Variants in RAPGEF1 observed in about 807,000 individuals in gnomAD.
The protein encoded by RAPGEF1 is CRK SH3-binding GNRP.
A neutral mutation model predicts 143.3 loss-of-function variants in RAPGEF1; 33 were observed. That is an observed-to-expected ratio of 0.23 (90% CI 0.17 to 0.31). The LOEUF (loss-of-function observed/expected upper bound fraction) is 0.31. Among genes scored for constraint, RAPGEF1 ranks in the 10% least tolerant of loss-of-function variants. The probability of loss-of-function intolerance (pLI) is 1.00; values close to 1 mark genes in which losing one functional copy is unlikely to be tolerated. For synonymous variants in RAPGEF1, 629 were observed against 676.5 expected (o/e 0.93, Z 1.09); for missense variants, 1,199 against 1,645.4 (o/e 0.73, Z 4.69).
chr9:131,613,366 G>A (rs1202329531), intron 12 of RAPGEF1, among the ~76,000 whole-genome samples: 2 of 152,202 alleles, frequency 1.3e-5, no homozygotes, highest in Non-Finnish European at 2.9e-5. Context: ...GGGAGAAGCA[G>A]TGTGAGGGCC....
intron 5 of RAPGEF1, among the ~76,000 whole-genome samples, 167 bp from the exon 6 acceptor site, chr9:131,630,491 G>C (rs1307919061): frequency 2.0e-5 from 3 of 152,170 alleles, no homozygotes; most frequent in African/African-American, 7.2e-5. Flanking sequence ...TAATCTGCAT[G>C]ACTTCCCAAA....
chr9:131,728,831 C>T (rs1274318541), intron 1 of RAPGEF1, among the ~76,000 whole-genome samples: 2 of 152,238 alleles, frequency 1.3e-5, no homozygotes, highest in Non-Finnish European at 2.9e-5. Context: ...TTATCGAGCA[C>T]TTCTTATGTG....
chr9:131,705,536 T>C (rs1190177374), intron 1 of RAPGEF1, among the ~76,000 whole-genome samples: 2 of 152,300 alleles, frequency 1.3e-5, no homozygotes, highest in African/African-American at 4.8e-5. Flanking sequence ...AGGGTCACAC[T>C]TGAGCCACTG....
intron 12 of RAPGEF1, among the ~76,000 whole-genome samples, chr9:131,611,094 A>G (rs1957963813): frequency 6.6e-6 from 1 of 152,164 alleles, no homozygotes; most frequent in African/African-American, 2.4e-5. Flanking sequence ...TATACCTTAC[A>G]TAATGTCAAA....
chr9:131,602,110 A>C lies in RAPGEF1; in HGVS notation c.2452T>G (p.Ser818Ala). ...AGKDGHPRDPSAVSGVPGKDS... is the reference protein window; with the variant it reads ...AGKDGHPRDPAAVSGVPGKDS... Reference sequence around the variant, plus strand: ...TTCCCAGGGACGCCGCTGACCGCTGAGGGATCTCTGGGATGTCCGTCTTTC... The same window carrying C: ...TTCCCAGGGACGCCGCTGACCGCTGCGGGATCTCTGGGATGTCCGTCTTTC... The change falls in exon 15 of 27, where the codon TCA (serine) becomes GCA (alanine). Residue 818 changes from serine to alanine, a missense_variant. By Grantham distance (99) the Ser-to-Ala change is moderately conservative. Coordinates refer to ENST00000683357, the MANE Select transcript of RAPGEF1 (RefSeq NM_001377935.1). 1 of 1,603,278 alleles carries C rather than the reference A, an allele frequency of 6.2e-7. No homozygotes were observed. Among genetic ancestry groups the C allele is most frequent in the Non-Finnish European group, 8.5e-7 (1 of 1,175,566 alleles).
intron 25 of RAPGEF1, among the ~76,000 whole-genome samples, chr9:131,580,836 T>C (rs777032536): frequency 7.9e-5 from 12 of 151,984 alleles, no homozygotes; most frequent in Non-Finnish European, 1.5e-4. Context: ...GGCAGGAGGA[T>C]TGAGCTCAAG....
chr9:131,655,322 T>C lies in RAPGEF1; in HGVS notation c.62-4373A>G, dbSNP rs1972160468. ...CAGAAAGCCCTTCTTAGTCCCCAGA[T>C]GGGGACACAAGTCAACAGGAAGCTG... On this transcript the variant is annotated intron_variant, in intron 1 of 26. Coordinates refer to ENST00000683357, the MANE Select transcript of RAPGEF1 (RefSeq NM_001377935.1). The surrounding 1 kb of genome is among the most constrained non-coding windows in gnomAD (Gnocchi z 4.1). Among the ~76,000 whole-genome samples, 1 of 152,186 alleles carries C rather than the reference T, an allele frequency of 6.6e-6. No homozygotes were observed. The highest frequency in any genetic ancestry group is 1.5e-5 in the Non-Finnish European group (1 of 68,020).
intron 6 of RAPGEF1, 86 bp downstream of exon 6, chr9:131,630,149 GC>G: frequency 1.6e-6 from 2 of 1,215,056 alleles, no homozygotes; most frequent in Non-Finnish European, 2.4e-6. Flanking sequence ...CCCTCATGCT[GC>G]CCACCCCACC....
intron 1 of RAPGEF1, among the ~76,000 whole-genome samples, chr9:131,691,004 T>TA (rs1833745934): frequency 6.6e-6 from 1 of 152,204 alleles, no homozygotes; most frequent in African/African-American, 2.4e-5. Flanking sequence ...GCCTAGGAAA[T>TA]AAAGATTTTG....
chr9:131,725,301 C>T (rs1443588079), intron 1 of RAPGEF1: 4 of 152,332 alleles, frequency 2.6e-5, no homozygotes, highest in Non-Finnish European at 5.9e-5. Flanking sequence ...TGTTAAGCAA[C>T]GTGGTAGTCC....
intron 1 of RAPGEF1, among the ~76,000 whole-genome samples, chr9:131,716,539 G>C (rs1181936960): frequency 6.6e-6 from 1 of 152,228 alleles, no homozygotes; most frequent in Non-Finnish European, 1.5e-5. Context: ...GCAGAGGTAG[G>C]TTGATTACTT....
intron 12 of RAPGEF1, among the ~76,000 whole-genome samples, chr9:131,616,097 T>C (rs1958961902): frequency 6.6e-6 from 1 of 151,942 alleles, no homozygotes; most frequent in South Asian, 2.1e-4. Context: ...TGAAACCCCA[T>C]CTCTACTAAA....
At position 131,667,694 on chromosome 9, in the gene RAPGEF1, T is replaced by A. The variant is rs1002401776; in HGVS notation, c.62-16745A>T. Among the ~76,000 whole-genome samples, 4 of 152,086 alleles carry A rather than the reference T, an allele frequency of 2.6e-5. No homozygotes were observed. The highest frequency in any genetic ancestry group is 5.9e-5 in the Non-Finnish European group (4 of 68,004). ...ATGGGGCAAACAGAAGTGGCACTCA[T>A]CTCTACACGTGGCCTAGGGCAGCCT... On this transcript the variant is annotated intron_variant, in intron 1 of 26. Coordinates refer to ENST00000683357, the MANE Select transcript of RAPGEF1 (RefSeq NM_001377935.1). The surrounding 1 kb of genome is among the most constrained non-coding windows in gnomAD (Gnocchi z 4.6).
intron 1 of RAPGEF1, among the ~76,000 whole-genome samples, chr9:131,666,460 C>G (rs1247546426): frequency 6.6e-6 from 1 of 152,028 alleles, no homozygotes; most frequent in Non-Finnish European, 1.5e-5. Flanking sequence ...GATCTCAGCT[C>G]ACTGCAACCT....
At chr9:131,635,490 C>G (rs74421145) in intron 5 of RAPGEF1, among the ~76,000 whole-genome samples, 2,806 of 152,190 alleles carry the variant, frequency 0.018, 48 homozygotes, top group Admixed American at 0.027. Flanking sequence ...AGTGTAAGAA[C>G]GTCCAACGCC....
At chr9:131,686,892 C>T (rs929378421) in intron 1 of RAPGEF1, among the ~76,000 whole-genome samples, 1 of 152,160 alleles carries the variant, frequency 6.6e-6, no homozygotes, top group Admixed American at 6.5e-5. Context: ...GTAACTACAT[C>T]GTCATACTAT....
chr9:131,677,793 A>G (rs1000356914), intron 1 of RAPGEF1, among the ~76,000 whole-genome samples: 6 of 152,246 alleles, frequency 3.9e-5, no homozygotes, highest in Non-Finnish European at 5.9e-5. Context: ...AAACAGGCTC[A>G]GAAGACAAAC....
chr9:131,590,450 G>A (rs1954020442), intron 18 of RAPGEF1, among the ~76,000 whole-genome samples: 1 of 152,152 alleles, frequency 6.6e-6, no homozygotes, highest in Non-Finnish European at 1.5e-5. Flanking sequence ...GCTCTGCAAG[G>A]GAACTCTCAC....
intron 17 of RAPGEF1, among the ~76,000 whole-genome samples, chr9:131,592,503 C>T (rs1195679926): frequency 6.6e-6 from 1 of 152,168 alleles, no homozygotes; most frequent in Non-Finnish European, 1.5e-5. Flanking sequence ...CTGAGGCCAA[C>T]TCTGGTCCCA....
Sources: gnomAD v4.1 joint callset for allele counts (sites outside exome capture counted in the v4.1 genomes callset) on GRCh38, gnomAD v4.1.1 for gene constraint, Gnocchi (gnomAD v3.1) non-coding constraint, MANE v1.5 for transcripts, NCBI Gene and HGNC (gene_info 2026-07-23, HGNC 2026-07-21) for gene names.